Variants in SOX6 observed in about 807,000 individuals in gnomAD.
SOX6 encodes transcription factor SOX-6.
A neutral mutation model predicts 97.8 loss-of-function variants in SOX6; 11 were observed. The observed-to-expected ratio is 0.11, with a 90% CI of 0.07 to 0.19. The LOEUF is 0.19. Among genes scored for constraint, SOX6 ranks in the 10% least tolerant of loss-of-function variants. SOX6 has a pLI of 1.00. For synonymous variants in SOX6, 360 were observed against 371.4 expected, an observed-to-expected ratio of 0.97 and a Z score of 0.35; for missense variants, 810 against 1,039.5, an observed-to-expected ratio of 0.78 and a Z score of 3.04.
In SOX6 at chr11:16,709,931, G is replaced by A. The variant is rs141092167; in HGVS notation, n.429+4899C>T. 1.4e-4 allele frequency among the ~76,000 whole-genome samples: 21 copies of A among 152,114 alleles called. 1 individual carries two copies. Among genetic ancestry groups the A allele is most frequent in the East Asian group, 1.2e-3 (6 of 5,184 alleles). On this transcript the variant is annotated intron_variant and non_coding_transcript_variant, in intron 3 of 5. Coordinates refer to the SOX6 transcript ENST00000524520. ...CCATCCATTATCAATTCTTTAATTC[G>A]TTCAGCAAATACAATAAAACTTTAT... is the stretch of plus-strand genomic sequence containing the variant.
intron 4 of SOX6, among the ~76,000 whole-genome samples, chr11:16,523,846 T>A (rs1861111649): frequency 6.6e-6 from 1 of 152,290 alleles, no homozygotes; most frequent in Non-Finnish European, 1.5e-5. Context: ...CAGAGAATAC[T>A]ACAAACACCT....
At chr11:16,182,523 T>C (rs1051198233) in intron 6 of SOX6, among the ~76,000 whole-genome samples, 2 of 151,808 alleles carry the variant, frequency 1.3e-5, no homozygotes. Flanking sequence ...TAATTAAGGG[T>C]CTCAGCATGA....
chr11:16,718,084 C>T (rs1482159885), intron 2 of SOX6, among the ~76,000 whole-genome samples: 2 of 150,464 alleles, frequency 1.3e-5, no homozygotes, highest in Non-Finnish European at 3.0e-5. Flanking sequence ...GCCTTTATTT[C>T]TTTAGTCCTT....
chr11:16,219,735 T>C (rs1451903145), intron 4 of SOX6, among the ~76,000 whole-genome samples: 1 of 152,036 alleles, frequency 6.6e-6, no homozygotes, highest in Non-Finnish European at 1.5e-5. Context: ...ACAAATGACC[T>C]AAATACTAAG....
chr11:15,980,887 A>G (rs577493702), intron 15 of SOX6, among the ~76,000 whole-genome samples: 1 of 152,122 alleles, frequency 6.6e-6, no homozygotes, highest in South Asian at 2.1e-4. Flanking sequence ...ATGTGTGTGT[A>G]TAAGACACTA....
At chr11:16,060,240 G>A (rs549013991) in intron 9 of SOX6, among the ~76,000 whole-genome samples, 4 of 151,826 alleles carry the variant, frequency 2.6e-5, no homozygotes, top group Non-Finnish European at 5.9e-5. Flanking sequence ...AAAGAGTAGT[G>A]TTAATTGCTT....
chr11:16,304,732 GT>G (rs916448610), intron 3 of SOX6, among the ~76,000 whole-genome samples: 7 of 151,932 alleles, frequency 4.6e-5, no homozygotes, highest in Admixed American at 1.3e-4. Context: ...CTGGTTTTTT[GT>G]TTTGTTCTGT....
At chr11:16,426,527 G>T (rs184432202) in intron 1 of SOX6, among the ~76,000 whole-genome samples, 1 of 152,112 alleles carries the variant, frequency 6.6e-6, no homozygotes, top group East Asian at 1.9e-4. Flanking sequence ...TCTGATCATT[G>T]ACAAACGTGA....
At chr11:16,439,382 T>C (rs944774730) in intron 1 of SOX6, among the ~76,000 whole-genome samples, 2 of 152,194 alleles carry the variant, frequency 1.3e-5, no homozygotes, top group African/African-American at 4.8e-5. Flanking sequence ...AAATAGCCAA[T>C]GTGTAATGGC....
At chr11:16,524,805 G>A (rs375904775) in intron 4 of SOX6, among the ~76,000 whole-genome samples, 5 of 152,126 alleles carry the variant, frequency 3.3e-5, no homozygotes, top group African/African-American at 7.2e-5. Context: ...AAATCAATGT[G>A]CAAAAATCAC....
rs148166147 is a variant in SOX6, at chr11:16,388,303, A to G, written c.-4-47051T>C. ...TCGTGATATTTCATCCTTTTCCTACATTGCTGGATTTGCTATTGTTTTGTT... is the reference window on the plus strand; with the variant it reads ...TCGTGATATTTCATCCTTTTCCTACGTTGCTGGATTTGCTATTGTTTTGTT... On this transcript the variant is annotated intron_variant, in intron 1 of 15. Transcript: ENST00000396356. 7.3e-3 allele frequency among the ~76,000 whole-genome samples: 1,105 copies of G among 152,102 alleles called. 17 individuals carry two copies. The highest frequency in any genetic ancestry group is 0.024 in the African/African-American group (986 of 41,506).
chr11:16,603,692 T>G (rs905719708), intron 4 of SOX6, among the ~76,000 whole-genome samples: 1 of 152,158 alleles, frequency 6.6e-6, no homozygotes, highest in Non-Finnish European at 1.5e-5. Context: ...AGAATAGGTA[T>G]GTTGCCAGAT....
chr11:16,710,202 G>A (rs1564874362), intron 3 of SOX6, among the ~76,000 whole-genome samples: 1 of 152,152 alleles, frequency 6.6e-6, no homozygotes, highest in Non-Finnish European at 1.5e-5. Context: ...GGGAGAGATA[G>A]GTGTACCCTA....
At chr11:16,406,258 G>A (rs1168586735) in intron 1 of SOX6, among the ~76,000 whole-genome samples, 5 of 152,068 alleles carry the variant, frequency 3.3e-5, no homozygotes, top group African/African-American at 2.4e-5. Flanking sequence ...CATCTGTCCT[G>A]TGGACTTGTT....
chr11:16,535,430 T>G (rs1305556229), intron 4 of SOX6, among the ~76,000 whole-genome samples: 1 of 152,166 alleles, frequency 6.6e-6, no homozygotes. Flanking sequence ...CCCAGCACTT[T>G]GGGAGGCCAA....
At chr11:16,161,592 G>A (rs1297201514) in intron 6 of SOX6, among the ~76,000 whole-genome samples, 1 of 152,092 alleles carries the variant, frequency 6.6e-6, no homozygotes, top group African/African-American at 2.4e-5. Context: ...CAGGACAAAG[G>A]AAAAATGCTG....
intron 2 of SOX6, among the ~76,000 whole-genome samples, chr11:16,731,166 G>A (rs1848346538): frequency 6.7e-6 from 1 of 150,204 alleles, no homozygotes; most frequent in Non-Finnish European, 1.5e-5. Flanking sequence ...TTCTACCAGA[G>A]ATACAAAGGG....
At chr11:16,033,596 C>T (rs575270302) in intron 12 of SOX6, among the ~76,000 whole-genome samples, 36 of 152,182 alleles carry the variant, frequency 2.4e-4, no homozygotes, top group South Asian at 6.2e-4. Flanking sequence ...CTCGGCCAGG[C>T]GCAGTGGCTC....
At chr11:16,519,525 T>A (rs1352429945) in intron 4 of SOX6, among the ~76,000 whole-genome samples, 1 of 152,134 alleles carries the variant, frequency 6.6e-6, no homozygotes, top group Non-Finnish European at 1.5e-5. Context: ...AAGGACATGA[T>A]TTCATTCTTT....
Sources: allele counts gnomAD v4.1 joint callset (sites outside exome capture counted in the v4.1 genomes callset), GRCh38; gene constraint gnomAD v4.1.1; transcripts MANE v1.5; gene names NCBI Gene and HGNC (gene_info 2026-07-23, HGNC 2026-07-21).